TRAPPC9: variants seen among roughly 807,000 people sequenced by gnomAD.
TRAPPC9 encodes the protein trafficking protein particle complex subunit 9.
Under a neutral mutation model 124.0 loss-of-function variants are expected in TRAPPC9, and 83 were observed. The observed-to-expected ratio is 0.67, with a 90% CI of 0.56 to 0.80. The LOEUF is 0.80. Ranked by LOEUF, TRAPPC9 falls within the 30% of genes least tolerant of loss-of-function variation. TRAPPC9 has a pLI of 0.00. For synonymous variants in TRAPPC9, 638 were observed against 617.5 expected (o/e 1.03, Z -0.49); for missense variants, 1,302 against 1,508.3 (o/e 0.86, Z 2.27).
intron 18 of TRAPPC9, among the ~76,000 whole-genome samples, chr8:140,015,093 A>G (rs572512693): frequency 6.6e-6 from 1 of 152,268 alleles, no homozygotes; most frequent in Non-Finnish European, 1.5e-5. Context: ...ATGTTATGCC[A>G]GCAGTAAAGT....
At chr8:140,314,540 G>A (rs2066394001) in intron 9 of TRAPPC9, among the ~76,000 whole-genome samples, 1 of 152,112 alleles carries the variant, frequency 6.6e-6, no homozygotes. Flanking sequence ...TAGAATACCA[G>A]AACTTACTTC....
At chr8:140,333,896 GAT>G (rs2066963961) in intron 9 of TRAPPC9, among the ~76,000 whole-genome samples, 1 of 152,196 alleles carries the variant, frequency 6.6e-6, no homozygotes, top group African/African-American at 2.4e-5. Context: ...GTGTAACACA[GAT>G]GTTTTACAAA....
Position 140,252,127 on chromosome 8 carries a change from C to A in TRAPPC9, c.2431+650G>T, listed in dbSNP as rs1013192272. On this transcript the variant is annotated intron_variant, in intron 16 of 22. Coordinates refer to ENST00000438773, the MANE Select transcript of TRAPPC9 (RefSeq NM_001160372.4). The surrounding 1 kb of genome is among the most constrained non-coding windows in gnomAD (Gnocchi z 4.2). ...GCAACCTCCGCCTCCCAGGTTCAAG[C>A]GATTCTCCTGCCCTCAGCCTCCTGA... 1.3e-5 allele frequency among the ~76,000 whole-genome samples: 2 copies of A among 151,826 alleles called. No individual in the cohort carries two copies. Among genetic ancestry groups the A allele is most frequent in the African/African-American group, 4.8e-5 (2 of 41,290 alleles).
chr8:140,275,647 A>G lies in TRAPPC9; in HGVS notation c.2278+11T>C. On this transcript the variant is annotated intron_variant, in intron 15 of 22. Coordinates refer to ENST00000438773, the MANE Select transcript of TRAPPC9 (RefSeq NM_001160372.4). ...AACATTCCCAGGGTCAAAGCTGCTT[A>G]CAATACCTACCTTTAGTGGTGAGAA... is the stretch of plus-strand genomic sequence containing the variant. 6.2e-7 allele frequency: 1 copy of G among 1,613,810 alleles called. No homozygotes were observed. Among genetic ancestry groups the G allele is most frequent in the Non-Finnish European group, 8.5e-7 (1 of 1,179,670 alleles).
intron 17 of TRAPPC9, among the ~76,000 whole-genome samples, chr8:140,024,551 C>T (rs1374645866): frequency 1.3e-5 from 2 of 152,138 alleles, no homozygotes; most frequent in Non-Finnish European, 2.9e-5. Flanking sequence ...GTGCACACCA[C>T]CACGCCTGGC....
intron 17 of TRAPPC9, among the ~76,000 whole-genome samples, chr8:140,029,040 A>C (rs539894356): frequency 6.6e-6 from 1 of 152,386 alleles, no homozygotes; most frequent in South Asian, 2.1e-4. Flanking sequence ...GAGAATGATT[A>C]TCGGTACAGA....
intron 19 of TRAPPC9, among the ~76,000 whole-genome samples, chr8:139,947,907 T>TATATATATATATATATATATAGAGAGAG: frequency 7.5e-4 from 45 of 60,196 alleles, no homozygotes; most frequent in Non-Finnish European, 1.1e-3. Context: ...TATATATATA[T>TATATATATATATATATATATAGAGAGAG]AGAGAGAGAG....
At chr8:140,121,394 T>G (rs1296554896) in intron 17 of TRAPPC9, among the ~76,000 whole-genome samples, 1 of 152,194 alleles carries the variant, frequency 6.6e-6, no homozygotes, top group East Asian at 1.9e-4. Flanking sequence ...TTGGTTTATC[T>G]AAGGAGTTTG....
At chr8:140,390,769 T>C (rs529171354) in intron 7 of TRAPPC9, among the ~76,000 whole-genome samples, 1 of 152,342 alleles carries the variant, frequency 6.6e-6, no homozygotes, top group South Asian at 2.1e-4. Context: ...TGCAGAAATG[T>C]CTCAGTTCCC....
rs1455679556 is a variant in TRAPPC9, at chr8:140,353,559, G to A, written c.1495+6491C>T. On this transcript the variant is annotated intron_variant, in intron 9 of 22. Coordinates refer to ENST00000438773, the MANE Select transcript of TRAPPC9 (RefSeq NM_001160372.4). This position sits in a 1 kb window ranked among gnomAD's most constrained non-coding sequence, Gnocchi z 4.2. ...TTAAGCTACGTGATGTGAAAGCCGC[G>A]AGTCTTTTTTATTTTCCACAGGAAT... is the stretch of plus-strand genomic sequence containing the variant. Among the ~76,000 whole-genome samples the A allele has an allele frequency of 1.3e-5, 2 of 152,228 alleles. No individual in the cohort carries two copies. Among genetic ancestry groups the A allele is most frequent in the East Asian group, 1.9e-4 (1 of 5,184 alleles).
chr8:140,061,282 TTCCCAAGGCTGCCCGGCAGCCTG>T (rs956316781), intron 17 of TRAPPC9, among the ~76,000 whole-genome samples: 2 of 116,826 alleles, frequency 1.7e-5, no homozygotes, highest in Admixed American at 8.4e-5. Flanking sequence ...AAGACTGCCA[TTCCCAAGGCTGCCCGGCAGCCTG>T]TTGTGTCCTC....
intron 17 of TRAPPC9, among the ~76,000 whole-genome samples, chr8:140,205,192 G>C (rs1267432948): frequency 6.6e-6 from 1 of 152,158 alleles, no homozygotes; most frequent in Admixed American, 6.5e-5. Flanking sequence ...AGTGTCACCA[G>C]GAGTTAAATA....
At chr8:140,283,473 A>AT (rs1239472694) in intron 14 of TRAPPC9, among the ~76,000 whole-genome samples, 1 of 147,154 alleles carries the variant, frequency 6.8e-6, no homozygotes, top group East Asian at 2.0e-4. Context: ...TTTTTTTTTT[A>AT]TTTTTAGTAG....
At chr8:140,333,068 G>A (rs977091041) in intron 9 of TRAPPC9, among the ~76,000 whole-genome samples, 15 of 151,770 alleles carry the variant, frequency 9.9e-5, no homozygotes, top group Non-Finnish European at 2.1e-4. Context: ...AGAGGTTGCA[G>A]TGAGCCGAGA....
At chr8:140,349,648 G>A (rs559103869) in intron 9 of TRAPPC9, among the ~76,000 whole-genome samples, 2 of 152,298 alleles carry the variant, frequency 1.3e-5, no homozygotes, top group African/African-American at 4.8e-5. Context: ...GGAACACGGA[G>A]TGGGCAGGAG....
intron 7 of TRAPPC9, among the ~76,000 whole-genome samples, chr8:140,386,017 G>A (rs1045180595): frequency 1.3e-5 from 2 of 152,128 alleles, no homozygotes; most frequent in Non-Finnish European, 2.9e-5. Flanking sequence ...TTCAATATAT[G>A]CAAATCAATA....
At chr8:140,179,523 T>C (rs200692054) in intron 17 of TRAPPC9, among the ~76,000 whole-genome samples, 58 of 152,236 alleles carry the variant, frequency 3.8e-4, no homozygotes, top group African/African-American at 1.3e-3. Flanking sequence ...AAATGTTCAA[T>C]GTGTATTTGA....
intron 9 of TRAPPC9, among the ~76,000 whole-genome samples, chr8:140,316,736 C>G (rs1011078923): frequency 1.3e-5 from 2 of 152,100 alleles, no homozygotes; most frequent in Admixed American, 6.6e-5. Flanking sequence ...GTGTCTTTCT[C>G]TGGTTTTAGT....
chr8:140,395,185 G>A (rs1033722915), intron 7 of TRAPPC9, among the ~76,000 whole-genome samples: 2 of 152,170 alleles, frequency 1.3e-5, no homozygotes, highest in African/African-American at 4.8e-5. Context: ...CGGTGGTGCT[G>A]TTTCCCTCAT....
Sources: gnomAD v4.1 joint callset for allele counts (sites outside exome capture counted in the v4.1 genomes callset) on GRCh38, gnomAD v4.1.1 for gene constraint, Gnocchi (gnomAD v3.1) non-coding constraint, MANE v1.5 for transcripts, NCBI Gene and HGNC (gene_info 2026-07-23, HGNC 2026-07-21) for gene names.